Variants in ATP10B observed in about 807,000 individuals in gnomAD.
ATP10B encodes the protein phospholipid-transporting ATPase VB.
A neutral mutation model predicts 141.2 loss-of-function variants in ATP10B; 122 were observed. That is an observed-to-expected ratio of 0.86 (90% CI 0.75 to 1.00). The LOEUF (loss-of-function observed/expected upper bound fraction) is 1.00. ATP10B is among the 50% of genes least tolerant of loss of function. The pLI is 0.00. For missense variants in ATP10B, 1,876 were observed against 1,825.3 expected (o/e 1.03, Z -0.51); for synonymous variants, 685 against 692.0 (o/e 0.99, Z 0.16).
At chr5:160,893,156 T>C in the ATP10B span, among the ~76,000 whole-genome samples, 1,897 of 152,112 alleles carry the variant, frequency 0.012, 38 homozygotes, top group African/African-American at 0.044. Context: ...CAGGAGTTTT[T>C]TTTTCATACC....
the ATP10B span, among the ~76,000 whole-genome samples, chr5:160,872,877 G>A: frequency 6.6e-6 from 1 of 152,040 alleles, no homozygotes; most frequent in Non-Finnish European, 1.5e-5. Flanking sequence ...GGTTTCATAT[G>A]AATTTTAGAA....
chr5:160,687,622 G>A (rs561163659), intron 5 of ATP10B, among the ~76,000 whole-genome samples, 178 bp downstream of exon 5: 44 of 152,170 alleles, frequency 2.9e-4, no homozygotes, highest in Non-Finnish European at 3.1e-4. Context: ...AAAATTTGCC[G>A]GGCATGGTGG....
intron 2 of ATP10B, among the ~76,000 whole-genome samples, chr5:160,731,774 C>A (rs1188721730): frequency 6.6e-6 from 1 of 152,118 alleles, no homozygotes; most frequent in East Asian, 1.9e-4. Flanking sequence ...TTTGCTTGAC[C>A]CTGAATTGTC....
chr5:160,684,567 A>C (rs1018031832), intron 6 of ATP10B, among the ~76,000 whole-genome samples: 1 of 152,226 alleles, frequency 6.6e-6, no homozygotes, highest in Non-Finnish European at 1.5e-5. Context: ...AGATGAGAAT[A>C]TATGCAAAAC....
chr5:160,812,624 CAG>C (rs1272511007), intron 1 of ATP10B, among the ~76,000 whole-genome samples: 6 of 152,082 alleles, frequency 3.9e-5, no homozygotes, highest in Non-Finnish European at 7.4e-5. Flanking sequence ...AAGGATTCAT[CAG>C]AGTCTTTAAT....
At chr5:160,617,819 G>A (rs1758107672) in intron 16 of ATP10B, 45 bp downstream of exon 16, 1 of 1,477,474 alleles carries the variant, frequency 6.8e-7, no homozygotes. Flanking sequence ...AGGCCATTCA[G>A]CTATTTAATG....
chr5:160,736,928 T>C (rs997224117), intron 2 of ATP10B, among the ~76,000 whole-genome samples: 12 of 152,168 alleles, frequency 7.9e-5, no homozygotes, highest in Non-Finnish European at 1.0e-4. Context: ...ATTATGCTGA[T>C]ACAAAAACCA....
At chr5:160,654,559 C>G (rs946416660) in intron 7 of ATP10B, among the ~76,000 whole-genome samples, 4 of 152,110 alleles carry the variant, frequency 2.6e-5, no homozygotes, top group African/African-American at 9.7e-5. Flanking sequence ...TTACTATGTG[C>G]CAGACACCTG....
intron 19 of ATP10B, among the ~76,000 whole-genome samples, chr5:160,606,114 G>A (rs1489208088): frequency 1.3e-5 from 2 of 152,230 alleles, no homozygotes; most frequent in East Asian, 1.9e-4. Flanking sequence ...AGATATGGCT[G>A]AGGGTAACAG....
intron 1 of ATP10B, among the ~76,000 whole-genome samples, chr5:160,792,274 C>T (rs1361775225): frequency 6.6e-6 from 1 of 152,174 alleles, no homozygotes; most frequent in Non-Finnish European, 1.5e-5. Context: ...TCAAACACAG[C>T]ATGAACTCAA....
chr5:160,743,464 T>C (rs997158273), intron 2 of ATP10B, among the ~76,000 whole-genome samples: 3 of 152,184 alleles, frequency 2.0e-5, no homozygotes, highest in Non-Finnish European at 2.9e-5. Context: ...AGTTTTATAA[T>C]TGTGGGAAGA....
upstream of ATP10B, among the ~76,000 whole-genome samples, chr5:160,853,801 G>A (rs1644404010): frequency 6.6e-6 from 1 of 152,134 alleles, no homozygotes; most frequent in Admixed American, 6.6e-5. Flanking sequence ...GAAATGCTAT[G>A]TTCAGTTTTT....
At chr5:160,834,874 C>G (rs1006274220) in intron 1 of ATP10B, among the ~76,000 whole-genome samples, 1 of 152,102 alleles carries the variant, frequency 6.6e-6, no homozygotes, top group Non-Finnish European at 1.5e-5. Flanking sequence ...AAGGTGCTGT[C>G]CAGAATGAAC....
chr5:160,829,156 A>T (rs1464404410), intron 1 of ATP10B, among the ~76,000 whole-genome samples: 4 of 151,936 alleles, frequency 2.6e-5, no homozygotes, highest in East Asian at 3.9e-4. Context: ...ATGTATACAT[A>T]TGTAACTAAC....
chr5:160,913,972 GC>G, the ATP10B span, among the ~76,000 whole-genome samples: 2 of 152,114 alleles, frequency 1.3e-5, no homozygotes, highest in Non-Finnish European at 2.9e-5. Flanking sequence ...GATTGTCCTT[GC>G]TTGATGTGTC....
In ATP10B at chr5:160,589,629, G is replaced by A. The variant is rs1232512834; in HGVS notation, c.3713C>T (p.Thr1238Ile). The A allele has an allele frequency of 1.9e-6, 3 of 1,614,112 alleles. No individual in the cohort carries two copies. Among genetic ancestry groups the A allele is most frequent in the Non-Finnish European group, 1.7e-6 (2 of 1,179,994 alleles). The change falls in exon 24 of 26, where the codon ACA (threonine) becomes ATA (isoleucine). Residue 1238 changes from threonine (T) to isoleucine (I), a missense_variant. Coordinates refer to ENST00000327245, the MANE Select transcript of ATP10B (RefSeq NM_025153.3). ...TTCCATTGCCTGGTGCAAAAGGATTGTGGTGAGGGAGATGGTGTTGATTGG... is the reference window on the plus strand; with the variant it reads ...TTCCATTGCCTGGTGCAAAAGGATTATGGTGAGGGAGATGGTGTTGATTGG... Reference protein sequence around the residue: ...GTPINTISLTTILLHQAMEMK... With the variant: ...GTPINTISLTIILLHQAMEMK...
chr5:160,795,505 T>A (rs1234211431), intron 1 of ATP10B, among the ~76,000 whole-genome samples: 2 of 152,050 alleles, frequency 1.3e-5, no homozygotes, highest in Non-Finnish European at 2.9e-5. Context: ...ATAGTCACAA[T>A]GAATAGGGGT....
the ATP10B span, among the ~76,000 whole-genome samples, chr5:160,893,190 G>C: frequency 6.6e-6 from 1 of 152,074 alleles, no homozygotes. Context: ...GAATGCCCGT[G>C]AGACAGAACC....
rs147720108 is a variant in ATP10B at position 160,683,035 on chromosome 5, T to TC, written c.470+3043dup. The stretch of plus-strand genomic sequence containing the variant: ...GCCTGGGCGACAGACCAAGACTCTG[T>TC]CCCCCAAAAAAAAAAAAAAAAAAAA... On this transcript the variant is annotated intron_variant, in intron 6 of 25. Transcript: ENST00000327245. 5.6e-3 allele frequency among the ~76,000 whole-genome samples: 275 copies of TC among 48,722 alleles called. 48 individuals are homozygous for TC. Among genetic ancestry groups the TC allele is most frequent in the Middle Eastern group, 0.029 (2 of 68 alleles). 32.0% of individuals were successfully genotyped at this position (48,722 alleles called of 152,430 possible). A position where few individuals can be genotyped will look rare whatever the true frequency, so the allele number is the denominator to read the frequency against.
Sources: gnomAD v4.1 joint callset for allele counts (sites outside exome capture counted in the v4.1 genomes callset) on GRCh38, gnomAD v4.1.1 for gene constraint, MANE v1.5 for transcripts, NCBI Gene and HGNC (gene_info 2026-07-23, HGNC 2026-07-21) for gene names.